Variants in GABPB1 observed in about 807,000 individuals in gnomAD.
The protein encoded by GABPB1 is GA-binding protein subunit beta-1.
GABPB1 carries 15 observed loss-of-function variants against 45.9 expected under a neutral mutation model. The observed-to-expected ratio is 0.33, with a 90% CI of 0.22 to 0.50. GABPB1 has a LOEUF of 0.50. Among genes scored for constraint, GABPB1 ranks in the 20% least tolerant of loss-of-function variants. The probability of loss-of-function intolerance (pLI) is 0.98; values close to 1 mark genes in which losing one functional copy is unlikely to be tolerated. For synonymous variants in GABPB1, 143 were observed against 154.4 expected (o/e 0.93, Z 0.55); for missense variants, 252 against 457.5 (o/e 0.55, Z 4.10).
intron 1 of GABPB1, among the ~76,000 whole-genome samples, chr15:50,341,244 A>G (rs1001996734): frequency 2.0e-5 from 3 of 152,036 alleles, no homozygotes; most frequent in Non-Finnish European, 4.4e-5. Context: ...TAACTTGAAA[A>G]TGATTTAGGC....
chr15:50,294,625 A>G (rs936043872), intron 6 of GABPB1, among the ~76,000 whole-genome samples: 2 of 152,202 alleles, frequency 1.3e-5, no homozygotes, highest in African/African-American at 2.4e-5. Context: ...CAAAAAAGCA[A>G]AAACAAAACA....
intron 6 of GABPB1, among the ~76,000 whole-genome samples, chr15:50,300,429 G>GTTTTTTT (rs1363908199): frequency 8.3e-5 from 6 of 72,172 alleles, no homozygotes; most frequent in Non-Finnish European, 1.3e-4. Flanking sequence ...ATCTGCAACT[G>GTTTTTTT]TTTTTGGTTT....
intron 1 of GABPB1, among the ~76,000 whole-genome samples, chr15:50,347,006 T>C (rs2048613743): frequency 6.6e-6 from 1 of 151,928 alleles, no homozygotes; most frequent in African/African-American, 2.4e-5. Context: ...GCCAAACTGG[T>C]CTTGTACTCC....
chr15:50,337,117 A>ATG (rs2048173147), intron 1 of GABPB1, among the ~76,000 whole-genome samples: 1 of 7,044 alleles, frequency 1.4e-4, no homozygotes, highest in Non-Finnish European at 2.1e-4. Flanking sequence ...ATATATATAT[A>ATG]TATATATATA....
chr15:50,290,290 C>T (rs565940276), intron 6 of GABPB1, among the ~76,000 whole-genome samples: 5 of 152,176 alleles, frequency 3.3e-5, no homozygotes, highest in African/African-American at 7.2e-5. Context: ...ATATCTGTTT[C>T]GTAAAACCTC....
At chr15:50,329,630 T>C (rs1206745519) in intron 1 of GABPB1, among the ~76,000 whole-genome samples, 3 of 152,162 alleles carry the variant, frequency 2.0e-5, no homozygotes, top group Non-Finnish European at 4.4e-5. Context: ...GATATAAACA[T>C]GGATACCATT....
intron 1 of GABPB1, among the ~76,000 whole-genome samples, chr15:50,317,666 T>A (rs1410428174): frequency 6.6e-6 from 1 of 152,096 alleles, no homozygotes; most frequent in African/African-American, 2.4e-5. Flanking sequence ...TCCCAGCACT[T>A]TGGGAGGCCG....
chr15:50,334,970 A>C (rs1004897318), intron 1 of GABPB1, among the ~76,000 whole-genome samples: 2 of 152,008 alleles, frequency 1.3e-5, no homozygotes, highest in African/African-American at 2.4e-5. Context: ...TCGTACGTCT[A>C]GTTATCTTTG....
chr15:50,338,611 C>T (rs569002858), intron 1 of GABPB1, among the ~76,000 whole-genome samples: 2 of 152,126 alleles, frequency 1.3e-5, no homozygotes, highest in South Asian at 4.2e-4. Context: ...GTAGCTGGGG[C>T]TACAGGCAAA....
chr15:50,350,079 G>A (rs1243567303), intron 1 of GABPB1: 2 of 151,968 alleles, frequency 1.3e-5, no homozygotes, highest in Non-Finnish European at 2.9e-5. Flanking sequence ...GGCTGAGAAG[G>A]CAGTACCCCA....
chr15:50,300,985 C>T, intron 5 of GABPB1, 83 bp from the exon 6 acceptor site: 1 of 915,072 alleles, frequency 1.1e-6, no homozygotes, highest in Non-Finnish European at 1.7e-6. Flanking sequence ...ATCTTACTGA[C>T]TCTTAAACAA....
intron 1 of GABPB1, among the ~76,000 whole-genome samples, chr15:50,330,776 C>A (rs943673249): frequency 2.6e-5 from 4 of 152,180 alleles, no homozygotes; most frequent in African/African-American, 9.7e-5. Context: ...CTATGTTTCT[C>A]TTCATTCAAC....
At chr15:50,302,860 A>G in intron 4 of GABPB1, 69 bp downstream of exon 4, 1 of 1,032,302 alleles carries the variant, frequency 9.7e-7, no homozygotes, top group East Asian at 2.5e-5. Flanking sequence ...ATCATGCACA[A>G]TATAAGAGAT....
intron 6 of GABPB1, among the ~76,000 whole-genome samples, chr15:50,294,512 G>A (rs1005306314): frequency 1.0e-4 from 14 of 138,562 alleles, no homozygotes; most frequent in South Asian, 4.7e-4. Context: ...GCAAGACTCC[G>A]CCTCAAAAAT....
chr15:50,282,553 T>TAAAAAAAAAAAAA (rs754828693), intron 8 of GABPB1, among the ~76,000 whole-genome samples: 7 of 27,324 alleles, frequency 2.6e-4, no homozygotes, highest in South Asian at 8.5e-4. Context: ...GACCCTGCCT[T>TAAAAAAAAAAAAA]AAAAAAGAAA....
Position 50,309,716 on chromosome 15 carries a change from T to C in GABPB1, c.83A>G (p.Asn28Ser). 1.2e-6 allele frequency: 2 copies of C among 1,605,958 alleles called. No individual in the cohort carries two copies. The highest frequency in any genetic ancestry group is 1.7e-6 in the Non-Finnish European group (2 of 1,172,606). Reference protein sequence around the residue: ...QDDEVRILMANGAPFTTDWLG... With the variant: ...QDDEVRILMASGAPFTTDWLG... Reference sequence around the variant, plus strand: ...CCAGTCTGTAGTAAAGGGAGCTCCATTTGCCATCAAAATACGAACTTCATC... The same window carrying C: ...CCAGTCTGTAGTAAAGGGAGCTCCACTTGCCATCAAAATACGAACTTCATC... Residue 28 changes from asparagine (N) to serine (S), a missense_variant, in exon 2 of 9, where the codon AAT (asparagine) becomes AGT (serine). Asn to Ser is a conservative substitution (Grantham distance 46). This residue lies in a region of GABPB1 where 35 missense variants were observed against 143.7 expected (regional missense o/e 0.24). Transcript: ENST00000380877.
At position 50,314,170 on chromosome 15, in the gene GABPB1, G is replaced by GATTT. The variant is rs372088129; in HGVS notation, c.1-4376_1-4373dup. 3.6e-3 allele frequency among the ~76,000 whole-genome samples: 541 copies of GATTT among 149,682 alleles called. 11 individuals carry two copies. The highest frequency in any genetic ancestry group is 0.018 in the Admixed American group (266 of 14,484). ...CCATGAGCAATACAGCCATACGGTAGATTTATTTATTTATTTATTTATTTA... is the reference window on the plus strand; with the variant it reads ...CCATGAGCAATACAGCCATACGGTAGATTTATTTATTTATTTATTTATTTATTTA... On this transcript the variant is annotated intron_variant, in intron 1 of 8. Coordinates refer to ENST00000380877, the MANE Select transcript of GABPB1 (RefSeq NM_016654.5).
At chr15:50,347,360 T>G (rs1205489564) in intron 1 of GABPB1, 3 of 152,082 alleles carry the variant, frequency 2.0e-5, no homozygotes. Context: ...CAAAGGAAAT[T>G]TTTTAGATCA....
At chr15:50,298,017 T>A (rs1172314300) in intron 6 of GABPB1, among the ~76,000 whole-genome samples, 1 of 152,212 alleles carries the variant, frequency 6.6e-6, no homozygotes, top group South Asian at 2.1e-4. Flanking sequence ...GAGTCACACA[T>A]TTAAATGTCA....
Sources: gnomAD v4.1 joint callset for allele counts (sites outside exome capture counted in the v4.1 genomes callset) on GRCh38, gnomAD v4.1.1 for gene constraint, gnomAD v4.1.1 regional missense constraint, MANE v1.5 for transcripts, NCBI Gene and HGNC (gene_info 2026-07-23, HGNC 2026-07-21) for gene names.